Variants in STAT3 observed in about 807,000 individuals in gnomAD.
STAT3 encodes the protein signal transducer and activator of transcription 3, also known as DNA-binding protein APRF.
A neutral mutation model predicts 114.3 loss-of-function variants in STAT3; 7 were observed. That is an observed-to-expected ratio of 0.06 (90% CI 0.03 to 0.11). STAT3 has a LOEUF of 0.11. Among genes scored for constraint, STAT3 ranks in the 10% least tolerant of loss-of-function variants. STAT3 has a pLI of 1.00. For synonymous variants in STAT3, 331 were observed against 354.5 expected (o/e 0.93, Z 0.74); for missense variants, 364 against 960.9 (o/e 0.38, Z 8.21).
At position 42,322,443 on chromosome 17, in the gene STAT3, T is replaced by A. The variant is rs770986654; in HGVS notation, c.1940A>T (p.Asn647Ile). The change falls in exon 21 of 24, where the codon AAC (asparagine) becomes ATC (isoleucine). Residue 647 changes from asparagine to isoleucine, a missense_variant. Physicochemically the swap from Asn to Ile is moderately radical, Grantham distance 149. Coordinates refer to ENST00000264657, the MANE Select transcript of STAT3 (RefSeq NM_139276.3). ...VEPYTKQQLN[N>I]MSFAEIIMGY... is the part of the protein sequence containing the mutation. ...CATGATGATTTCAGCAAATGACATGTTGTTCAGCTGCTGCTTTGTGTATGG... is the reference window on the plus strand; with the variant it reads ...CATGATGATTTCAGCAAATGACATGATGTTCAGCTGCTGCTTTGTGTATGG... 1.2e-6 allele frequency: 2 copies of A among 1,614,212 alleles called. No individual in the cohort carries two copies. The highest frequency in any genetic ancestry group is 1.7e-6 in the Non-Finnish European group (2 of 1,180,028).
chr17:42,332,801 C>T (rs1309788926), intron 10 of STAT3, among the ~76,000 whole-genome samples: 1 of 151,542 alleles, frequency 6.6e-6, no homozygotes, highest in South Asian at 2.1e-4. Context: ...GATTGCAACA[C>T]GCACTCTGGC....
intron 3 of STAT3, among the ~76,000 whole-genome samples, chr17:42,346,314 C>T (rs1214708075): frequency 6.6e-6 from 1 of 152,206 alleles, no homozygotes; most frequent in Non-Finnish European, 1.5e-5. Context: ...ACCGCGTTAA[C>T]ATGCTAACAT....
intron 1 of STAT3, among the ~76,000 whole-genome samples, chr17:42,380,797 C>CA (rs1479773550): frequency 1.2e-4 from 18 of 152,284 alleles, no homozygotes; most frequent in African/African-American, 3.6e-4. Context: ...CCTGTAGCCC[C>CA]AGCTACCCCG....
chr17:42,339,216 A>T, intron 5 of STAT3, 98 bp downstream of exon 5: 1 of 1,195,130 alleles, frequency 8.4e-7, no homozygotes, highest in Non-Finnish European at 1.2e-6. Context: ...TGATCATGCC[A>T]CTGCAGCCCA....
chr17:42,356,920 T>A (rs2083256514), intron 1 of STAT3, among the ~76,000 whole-genome samples: 1 of 152,168 alleles, frequency 6.6e-6, no homozygotes, highest in African/African-American at 2.4e-5. Flanking sequence ...CTGGAGTAGC[T>A]GGGATTACAG....
At chr17:42,321,999 A>AT (rs1422787606) in intron 21 of STAT3, among the ~76,000 whole-genome samples, 1 of 151,740 alleles carries the variant, frequency 6.6e-6, no homozygotes, top group Non-Finnish European at 1.5e-5. Context: ...ATTTTTTTGG[A>AT]TTTTTTGTAG....
At chr17:42,320,934 T>C (rs2081449197) in intron 21 of STAT3, among the ~76,000 whole-genome samples, 1 of 134,058 alleles carries the variant, frequency 7.5e-6, no homozygotes, top group Admixed American at 6.9e-5. Context: ...TTTCGTTTTT[T>C]TCTTTCTCTT....
At chr17:42,387,568 C>T (rs1293537587) in intron 1 of STAT3, 2 of 152,132 alleles carry the variant, frequency 1.3e-5, no homozygotes, top group African/African-American at 2.4e-5. Context: ...CTAGAGCTGG[C>T]TTGACGGGTT....
intron 1 of STAT3, among the ~76,000 whole-genome samples, chr17:42,380,783 C>T (rs952247312): frequency 6.6e-6 from 1 of 152,166 alleles, no homozygotes; most frequent in African/African-American, 2.4e-5. Context: ...GGTGGTAGCA[C>T]ACACCTGTAG....
chr17:42,354,549 C>T (rs554106754), intron 1 of STAT3, among the ~76,000 whole-genome samples: 2 of 151,266 alleles, frequency 1.3e-5, no homozygotes, highest in Non-Finnish European at 1.5e-5. Flanking sequence ...TGGCTAACAC[C>T]TATAATCCCA....
rs540874424 is a variant in STAT3 at position 42,329,356 on chromosome 17, C to T, written c.1281+54G>A. 3 of 1,605,956 alleles carry T rather than the reference C, an allele frequency of 1.9e-6. No individual in the cohort carries two copies. In the South Asian group the frequency reaches 3.3e-5, roughly 18 times the overall value. On this transcript the variant is annotated intron_variant, in intron 14 of 23. Coordinates refer to ENST00000264657, the MANE Select transcript of STAT3 (RefSeq NM_139276.3). ...TGGGGATTAAGAAGGATCTTTACCC[C>T]TCTCTCCCTCAAGGAAAACACCCCA...
intron 8 of STAT3, among the ~76,000 whole-genome samples, chr17:42,334,705 G>C (rs902777023): frequency 1.3e-5 from 2 of 152,014 alleles, no homozygotes; most frequent in Admixed American, 6.6e-5. Context: ...TCGACCTCCC[G>C]AAGTACTGGC....
chr17:42,386,280 CAAAAAA>C (rs61454571), intron 1 of STAT3, among the ~76,000 whole-genome samples: 3 of 106,222 alleles, frequency 2.8e-5, no homozygotes, highest in South Asian at 6.0e-4. Flanking sequence ...GACTCTGACT[CAAAAAA>C]AAAAAAAAAA....
In STAT3 at chr17:42,332,186, C is replaced by T. The variant is rs528878525; in HGVS notation, c.1050-655G>A. Among the ~76,000 whole-genome samples, 12 of 151,596 alleles carry T rather than the reference C, an allele frequency of 7.9e-5. No homozygotes were observed. The South Asian group carries it at 2.5e-3, about 32-fold the overall frequency. On this transcript the variant is annotated intron_variant, in intron 10 of 23. Transcript: ENST00000264657. ...AGGTGATCCACCCACCTTGGCCTCCCAAAGTGCTGGGATTACAGGCGAGAG... is the reference window on the plus strand; with the variant it reads ...AGGTGATCCACCCACCTTGGCCTCCTAAAGTGCTGGGATTACAGGCGAGAG...
At chr17:42,338,658 G>A in intron 6 of STAT3, 73 bp downstream of exon 6, 2 of 1,443,650 alleles carry the variant, frequency 1.4e-6, no homozygotes, top group Admixed American at 1.7e-5. Flanking sequence ...ACAGAGTTAA[G>A]ACAAATGAGT....
intron 1 of STAT3, among the ~76,000 whole-genome samples, chr17:42,380,032 AGTTTTTT>A (rs1369068732): frequency 6.6e-6 from 1 of 151,952 alleles, no homozygotes; most frequent in Non-Finnish European, 1.5e-5. Flanking sequence ...TTGATATGAC[AGTTTTTT>A]GTTTTTTGTT....
chr17:42,328,089 T>C (rs1294277599), intron 14 of STAT3, among the ~76,000 whole-genome samples: 1 of 151,914 alleles, frequency 6.6e-6, no homozygotes, highest in East Asian at 1.9e-4. Context: ...TAATACTATT[T>C]TTCTGATTAT....
At chr17:42,367,716 C>A (rs991705640) in intron 1 of STAT3, among the ~76,000 whole-genome samples, 2 of 152,152 alleles carry the variant, frequency 1.3e-5, no homozygotes, top group African/African-American at 4.8e-5. Context: ...TCATATATTT[C>A]TTTTTTCATG....
At chr17:42,353,381 G>A (rs199569765) in intron 1 of STAT3, among the ~76,000 whole-genome samples, 38,014 of 139,830 alleles carry the variant, frequency 0.27, 5,489 homozygotes, top group South Asian at 0.37. Flanking sequence ...AAAGAAAGAA[G>A]AGAAAAGAAA....
Sources: allele counts gnomAD v4.1 joint callset (sites outside exome capture counted in the v4.1 genomes callset), GRCh38; gene constraint gnomAD v4.1.1; transcripts MANE v1.5; gene names NCBI Gene and HGNC (gene_info 2026-07-23, HGNC 2026-07-21).